ZNF106: variants seen among roughly 807,000 people sequenced by gnomAD.
ZNF106 encodes SH3-domain binding protein 3.
Under a neutral mutation model 195.1 loss-of-function variants are expected in ZNF106, and 67 were observed. The ratio of observed to expected loss-of-function variants is 0.34; its 90% CI spans 0.28 to 0.42. The LOEUF (loss-of-function observed/expected upper bound fraction) is 0.42. Among genes scored for constraint, ZNF106 ranks in the 10% least tolerant of loss-of-function variants. ZNF106 has a pLI of 1.00. For missense variants in ZNF106, 2,118 were observed against 2,304.5 expected, an observed-to-expected ratio of 0.92 and a Z score of 1.66; for synonymous variants, 784 against 818.6, an observed-to-expected ratio of 0.96 and a Z score of 0.72.
At chr15:42,472,090 T>G in intron 2 of ZNF106, 146 bp downstream of exon 2, 2 of 799,802 alleles carry the variant, frequency 2.5e-6, no homozygotes, top group Non-Finnish European at 3.6e-6. Flanking sequence ...GACTATGGTT[T>G]AGGAAAGAAA....
intron 3 of ZNF106, among the ~76,000 whole-genome samples, chr15:42,463,786 G>T (rs2056449915): frequency 6.6e-6 from 1 of 152,112 alleles, no homozygotes; most frequent in South Asian, 2.1e-4. Context: ...GTGACAGAGT[G>T]AGTGAGACCC....
At chr15:42,418,091 GACA>G in intron 20 of ZNF106, 140 bp from the exon 21 acceptor site, 1 of 969,028 alleles carries the variant, frequency 1.0e-6, no homozygotes. Context: ...GGCTAGAAAA[GACA>G]ACAAAGCCAA....
chr15:42,438,545 C>T, intron 12 of ZNF106, 67 bp downstream of exon 12: 3 of 1,400,502 alleles, frequency 2.1e-6, no homozygotes, highest in Non-Finnish European at 3.0e-6. Context: ...AGGTTTAAAT[C>T]CTGGCTTTAA....
intron 1 of ZNF106, among the ~76,000 whole-genome samples, chr15:42,478,792 G>A (rs1321302102): frequency 2.0e-5 from 3 of 151,956 alleles, no homozygotes; most frequent in African/African-American, 7.2e-5. Flanking sequence ...GATTACAGGT[G>A]TGAGCCACCA....
intron 3 of ZNF106, among the ~76,000 whole-genome samples, chr15:42,458,805 A>G (rs1484508130): frequency 6.6e-6 from 1 of 151,168 alleles, no homozygotes; most frequent in Non-Finnish European, 1.5e-5. Context: ...TTTTTTTTAA[A>G]TGAATATTCA....
In ZNF106 at chr15:42,416,100, G is replaced by C. The variant is rs1374677223; in HGVS notation, c.*1204C>G. 1 of 152,224 alleles carries C rather than the reference G, an allele frequency of 6.6e-6. No homozygotes were observed. The highest frequency in any genetic ancestry group is 1.9e-4 in the East Asian group (1 of 5,192). 9.4% of individuals were successfully genotyped at this position (152,224 alleles called of 1,614,324 possible). A position where few individuals can be genotyped will look rare whatever the true frequency, so the allele number is the denominator to read the frequency against. Reference sequence around the variant, plus strand: ...GACACTTCTACAGGTTTACTGATGAGTCCGGAGAAAATCCAAAAACAAAGC... The same window carrying C: ...GACACTTCTACAGGTTTACTGATGACTCCGGAGAAAATCCAAAAACAAAGC... On this transcript the variant is annotated 3_prime_UTR_variant, in exon 22 of 22. Transcript: ENST00000564754.
chr15:42,438,987 A>T (rs1203728836), intron 11 of ZNF106, 46 bp downstream of exon 11: 6 of 1,530,392 alleles, frequency 3.9e-6, no homozygotes, highest in Non-Finnish European at 5.3e-6. Context: ...TTAAAAAAAT[A>T]AAGTTGGTGA....
At chr15:42,441,817 G>T in intron 10 of ZNF106, 1 of 302,248 alleles carries the variant, frequency 3.3e-6, no homozygotes, top group South Asian at 1.0e-4. Context: ...CTAATAAATG[G>T]AACCTTGTGG....
In ZNF106 at chr15:42,462,709, G is replaced by C. The variant is rs76129310; in HGVS notation, c.116+3344C>G. On this transcript the variant is annotated intron_variant, in intron 3 of 21. Transcript: ENST00000564754. ...GAGAAATAGGATTTAGAGGGGAAAGGGGGGTGGAGAGAAGACTTTTACTTT... is the reference window on the plus strand; with the variant it reads ...GAGAAATAGGATTTAGAGGGGAAAGCGGGGTGGAGAGAAGACTTTTACTTT... Among the ~76,000 whole-genome samples, 37 of 152,332 alleles carry C rather than the reference G, an allele frequency of 2.4e-4. No homozygotes were observed. In the East Asian group the frequency reaches 6.7e-3, roughly 28 times the overall value.
intron 14 of ZNF106, among the ~76,000 whole-genome samples, chr15:42,432,702 A>C (rs908816187): frequency 1.6e-5 from 2 of 127,418 alleles, no homozygotes; most frequent in African/African-American, 7.3e-5. Context: ...GCAAGACCGT[A>C]TTTCTAAAAA....
intron 1 of ZNF106, among the ~76,000 whole-genome samples, chr15:42,473,318 C>T (rs569100980): frequency 5.3e-5 from 8 of 152,320 alleles, no homozygotes; most frequent in Admixed American, 1.3e-4. Context: ...TTCCCAATGG[C>T]GTCCATCTCA....
Position 42,446,434 on chromosome 15 carries a change from T to G in ZNF106, c.3205+155A>C, listed in dbSNP as rs878903627. Among the ~76,000 whole-genome samples, 7 of 152,026 alleles carry G rather than the reference T, an allele frequency of 4.6e-5. No individual in the cohort carries two copies. In the South Asian group the frequency reaches 1.5e-3, roughly 32 times the overall value. On this transcript the variant is annotated intron_variant, in intron 7 of 21. Coordinates refer to ENST00000564754, the MANE Select transcript of ZNF106 (RefSeq NM_001366845.3). ...TGTCTCTACAAAAAAATAAAAGAAT[T>G]AATGTAGTGTCACATACCAGTAGTC... is the stretch of plus-strand genomic sequence containing the variant.
At chr15:42,457,425 T>C (rs1280409249) in intron 3 of ZNF106, 9 of 1,344,350 alleles carry the variant, frequency 6.7e-6, no homozygotes, top group Non-Finnish European at 8.6e-6. Context: ...CTTGAATTGC[T>C]GTACTTAAAA....
chr15:42,490,907 C>G (rs1475058020), intron 1 of ZNF106, 73 bp downstream of exon 1: 2 of 152,442 alleles, frequency 1.3e-5, no homozygotes, highest in African/African-American at 2.4e-5. Flanking sequence ...GCCCCACAAC[C>G]TCCCTAAGGG....
intron 4 of ZNF106, among the ~76,000 whole-genome samples, chr15:42,455,567 T>C (rs2056198862): frequency 6.6e-6 from 1 of 152,206 alleles, no homozygotes; most frequent in Non-Finnish European, 1.5e-5. Flanking sequence ...TTTTAATTTT[T>C]TGTTGTTGTT....
chr15:42,489,710 A>G (rs958087755), intron 1 of ZNF106, among the ~76,000 whole-genome samples: 1 of 152,198 alleles, frequency 6.6e-6, no homozygotes, highest in Non-Finnish European at 1.5e-5. Context: ...CATGCTATTT[A>G]CAACAGTACT....
At chr15:42,483,591 C>T (rs549378551) in intron 1 of ZNF106, among the ~76,000 whole-genome samples, 24 of 152,272 alleles carry the variant, frequency 1.6e-4, no homozygotes, top group Admixed American at 5.9e-4. Context: ...ATGTTTTATG[C>T]CTTTGTCCCT....
At chr15:42,471,414 T>C (rs1425567223) in intron 2 of ZNF106, among the ~76,000 whole-genome samples, 1 of 152,240 alleles carries the variant, frequency 6.6e-6, no homozygotes, top group Non-Finnish European at 1.5e-5. Context: ...GTGACACAAA[T>C]TGCAGCCAAT....
At position 42,457,138 on chromosome 15, in the gene ZNF106, C is replaced by T. The variant is rs376827752; in HGVS notation, c.137G>A (p.Arg46Gln). 12 of 1,614,016 alleles carry T rather than the reference C, an allele frequency of 7.4e-6. No individual in the cohort carries two copies. The highest frequency in any genetic ancestry group is 1.1e-5 in the South Asian group (1 of 91,084). ...LKGRDISHECRVCGVTEVGLS... is the reference protein window; with the variant it reads ...LKGRDISHECQVCGVTEVGLS... ...ACCCACTTCTGTGACCCCGCACACT[C>T]GGCACTCATGACTAATGTCCCTAGG... The change falls in exon 4 of 22, where the codon CGA becomes CAA. Residue 46 changes from arginine to glutamine, a missense_variant. Arg to Gln is a conservative substitution (Grantham distance 43, BLOSUM62 1). Coordinates refer to ENST00000564754, the MANE Select transcript of ZNF106 (RefSeq NM_001366845.3).
Sources: gnomAD v4.1 joint callset for allele counts (sites outside exome capture counted in the v4.1 genomes callset) on GRCh38, gnomAD v4.1.1 for gene constraint, MANE v1.5 for transcripts, NCBI Gene and HGNC (gene_info 2026-07-23, HGNC 2026-07-21) for gene names.